The following APP variants were observed in gnomAD, a reference collection of about 807,000 sequenced individuals.
APP encodes the protein amyloid-beta precursor protein.
Under a neutral mutation model 101.4 loss-of-function variants are expected in APP, and 31 were observed. The ratio of observed to expected loss-of-function variants is 0.31; its 90% confidence interval spans 0.23 to 0.41. The LOEUF (loss-of-function observed/expected upper bound fraction) is 0.41, where lower values mean the gene tolerates loss of function less well. Ranked by LOEUF, APP falls within the 10% of genes least tolerant of loss-of-function variation. The pLI, the probability that APP is intolerant of heterozygous loss-of-function variation, is 1.00. For missense variants in APP, 839 were observed against 1,003.7 expected (o/e 0.84, Z 2.22); for synonymous variants, 366 against 364.4 (o/e 1.00, Z -0.05).
chr21:26,077,379 T>A (rs2061517513), intron 3 of APP, among the ~76,000 whole-genome samples: 1 of 152,216 alleles, frequency 6.6e-6, no homozygotes, highest in Non-Finnish European at 1.5e-5. Flanking sequence ...ATATATGGCA[T>A]CTGTATTGTG....
chr21:26,102,551 G>A (rs2062085430), intron 2 of APP, among the ~76,000 whole-genome samples: 1 of 151,712 alleles, frequency 6.6e-6, no homozygotes, highest in Non-Finnish European at 1.5e-5. Context: ...CAAAATTTTG[G>A]TACTATAATA....
intron 11 of APP, among the ~76,000 whole-genome samples, chr21:25,965,906 C>T (rs916797152): frequency 2.0e-5 from 3 of 152,252 alleles, no homozygotes; most frequent in East Asian, 1.9e-4. Context: ...GAAAGCAGAG[C>T]GTAAAACCAT....
intron 8 of APP, among the ~76,000 whole-genome samples, chr21:25,986,396 C>T (rs1292458564): frequency 3.9e-5 from 6 of 152,152 alleles, no homozygotes; most frequent in East Asian, 1.9e-4. Flanking sequence ...TGAGATTCCA[C>T]GGAACCTCTG....
chr21:25,911,899 G>C lies in APP; in HGVS notation c.1751C>G (p.Pro584Arg), dbSNP rs145371658. 20 of 1,614,138 alleles carry C rather than the reference G, an allele frequency of 1.2e-5. No individual in the cohort carries two copies. The African/African-American group carries it at 2.5e-4, about 20-fold the overall frequency. Residue 584 changes from proline to arginine, a missense_variant, in exon 14 of 18, where the codon CCA becomes CGA. Pro to Arg is a moderately radical substitution (Grantham distance 103). Transcript: ENST00000346798. The stretch of plus-strand genomic sequence containing the variant: ...AGCATCGTTTCCGTAACTGATCCTT[G>C]GTTCACTAATCATGTTGGCCAAGAC... ...DDVLANMISE[P>R]RISYGNDALM...
At chr21:25,884,666 G>C (rs1015584293) in intron 17 of APP, among the ~76,000 whole-genome samples, 1 of 152,244 alleles carries the variant, frequency 6.6e-6, no homozygotes, top group Non-Finnish European at 1.5e-5. Context: ...CCATCACCTC[G>C]AAACTGAGAA....
chr21:26,093,207 A>G (rs2061864591), intron 2 of APP, among the ~76,000 whole-genome samples: 1 of 152,116 alleles, frequency 6.6e-6, no homozygotes, highest in Non-Finnish European at 1.5e-5. Context: ...CAGGAATATA[A>G]TTCTCCCACC....
At chr21:25,900,378 C>CAAAAAA (rs60231150) in intron 15 of APP, among the ~76,000 whole-genome samples, 107 of 59,444 alleles carry the variant, frequency 1.8e-3, no homozygotes, top group Non-Finnish European at 2.6e-3. Context: ...ACTAAAAATA[C>CAAAAAA]AAAAAAAAAA....
intron 1 of APP, among the ~76,000 whole-genome samples, chr21:26,127,170 T>G: frequency 6.8e-6 from 1 of 147,722 alleles, no homozygotes. Context: ...AATTAAGAAA[T>G]CTTGAGGGTT....
intron 1 of APP, among the ~76,000 whole-genome samples, chr21:26,124,460 G>A (rs983784844): frequency 1.3e-5 from 2 of 152,170 alleles, no homozygotes; most frequent in African/African-American, 4.8e-5. Flanking sequence ...ACACATTCCT[G>A]AACTCCTTTG....
chr21:26,037,546 T>C (rs57701464), intron 5 of APP, among the ~76,000 whole-genome samples: 2,098 of 152,298 alleles, frequency 0.014, 43 homozygotes, highest in African/African-American at 0.048. Context: ...TGTTGCTAGG[T>C]GTGTTTCAAC....
At chr21:25,944,423 T>A (rs556020637) in intron 13 of APP, among the ~76,000 whole-genome samples, 1 of 152,334 alleles carries the variant, frequency 6.6e-6, no homozygotes, top group South Asian at 2.1e-4. Context: ...CCTTCTATGA[T>A]TTACTTTCTA....
chr21:25,939,477 C>A (rs930656903), intron 13 of APP, among the ~76,000 whole-genome samples: 1 of 152,222 alleles, frequency 6.6e-6, no homozygotes, highest in Non-Finnish European at 1.5e-5. Context: ...TTTAAGAAGG[C>A]TTCTCCCTTA....
At chr21:25,945,402 T>TTTTTTTTTTA (rs3084231) in intron 13 of APP, 3 of 141,538 alleles carry the variant, frequency 2.1e-5, no homozygotes, top group Admixed American at 7.0e-5. Flanking sequence ...TTTTTTTTTT[T>TTTTTTTTTTA]GCAGAAATGG....
chr21:26,166,620 T>G (rs576772123), intron 1 of APP, among the ~76,000 whole-genome samples: 31 of 151,656 alleles, frequency 2.0e-4, no homozygotes, highest in African/African-American at 7.3e-4. Flanking sequence ...AAAAAAAAGA[T>G]TTCATAATCA....
At chr21:26,082,266 T>C (rs1421130884) in intron 3 of APP, among the ~76,000 whole-genome samples, 1 of 152,158 alleles carries the variant, frequency 6.6e-6, no homozygotes, top group Non-Finnish European at 1.5e-5. Flanking sequence ...TTGTTTTGCA[T>C]TGGCTTTCTT....
intron 17 of APP, among the ~76,000 whole-genome samples, chr21:25,883,805 T>C (rs1286989963): frequency 6.6e-6 from 1 of 152,184 alleles, no homozygotes; most frequent in Admixed American, 6.5e-5. Flanking sequence ...GGGAGTGAGG[T>C]GGAATGACTA....
intron 1 of APP, among the ~76,000 whole-genome samples, chr21:26,133,279 G>A (rs567452323): frequency 1.2e-3 from 182 of 152,146 alleles, no homozygotes; most frequent in African/African-American, 4.1e-3. Flanking sequence ...CTGAGTAATC[G>A]GCAGCCTACG....
chr21:26,007,929 T>C (rs905938616), intron 6 of APP, among the ~76,000 whole-genome samples: 1 of 152,186 alleles, frequency 6.6e-6, no homozygotes, highest in African/African-American at 2.4e-5. Flanking sequence ...AATAGAAGCA[T>C]GTAAAATTAG....
At chr21:26,025,883 A>G (rs2044549380) in intron 5 of APP, among the ~76,000 whole-genome samples, 1 of 152,262 alleles carries the variant, frequency 6.6e-6, no homozygotes, top group South Asian at 2.1e-4. Flanking sequence ...TTTGGACACT[A>G]TTTAAAACAA....
Sources: gnomAD v4.1 joint callset for allele counts (sites outside exome capture counted in the v4.1 genomes callset) on GRCh38, gnomAD v4.1.1 for gene constraint, MANE v1.5 for transcripts, NCBI Gene and HGNC (gene_info 2026-07-23, HGNC 2026-07-21) for gene names.